TYW1: variants seen among roughly 807,000 people sequenced by gnomAD.
The protein encoded by TYW1 is tRNA-yW synthesizing protein 1 homolog, also known as S-adenosyl-L-methionine-dependent tRNA 4-demethylwyosine synthase TYW1.
Under a neutral mutation model 96.2 loss-of-function variants are expected in TYW1, and 46 were observed. The ratio of observed to expected loss-of-function variants is 0.48; its 90% confidence interval spans 0.38 to 0.61. The LOEUF is 0.61. Ranked by LOEUF, TYW1 falls within the 20% of genes least tolerant of loss-of-function variation. The pLI is 0.00. For synonymous variants in TYW1, 274 were observed against 323.0 expected (o/e 0.85, Z 1.63); for missense variants, 684 against 909.6 (o/e 0.75, Z 3.19).
At chr7:66,997,599 A>T (rs1793223050) in intron 1 of TYW1, among the ~76,000 whole-genome samples, 1 of 152,082 alleles carries the variant, frequency 6.6e-6, no homozygotes, top group African/African-American at 2.4e-5. Context: ...TTACGTTACT[A>T]CATAGTGTGT....
rs1797001528 is a variant in TYW1, at chr7:67,098,797, A to G, written c.1562+79A>G. 5 of 1,408,220 alleles carry G rather than the reference A, an allele frequency of 3.6e-6. No individual in the cohort carries two copies. The South Asian group carries it at 4.3e-5, about 12-fold the overall frequency. The allele number at this position is 1,408,220 out of a possible 1,614,324, so 87.2% of individuals were successfully genotyped here. A position where few individuals can be genotyped will look rare whatever the true frequency, so the allele number is the denominator to read the frequency against. On this transcript the variant is annotated intron_variant, in intron 12 of 15. Coordinates refer to ENST00000359626, the MANE Select transcript of TYW1 (RefSeq NM_018264.4). ...AGTAAAACTAATAGGCATTAATGCA[A>G]TCAAATAGGATTTATTGATTACTTA...
chr7:67,020,430 G>A (rs1326524502), intron 6 of TYW1, among the ~76,000 whole-genome samples: 5 of 77,272 alleles, frequency 6.5e-5, no homozygotes, highest in East Asian at 2.9e-4. Flanking sequence ...AGTAGATACC[G>A]GCTTTCACCA....
Position 67,238,119 on chromosome 7 carries a change from G to A in TYW1, c.1978-189G>A, listed in dbSNP as rs565661708. ...AGGGAAAGGAAGCTCTCCTGTGATTGTAGCGCATCTTGGTTTGATAGGAAG... is the reference window on the plus strand; with the variant it reads ...AGGGAAAGGAAGCTCTCCTGTGATTATAGCGCATCTTGGTTTGATAGGAAG... On this transcript the variant is annotated intron_variant, in intron 15 of 15. Transcript: ENST00000359626. Among the ~76,000 whole-genome samples the A allele has an allele frequency of 7.3e-5, 11 of 151,594 alleles. No individual in the cohort carries two copies. The East Asian group carries it at 2.1e-3, about 29-fold the overall frequency.
chr7:67,061,002 C>T (rs922940018), intron 9 of TYW1, among the ~76,000 whole-genome samples: 1 of 152,122 alleles, frequency 6.6e-6, no homozygotes, highest in African/African-American at 2.4e-5. Flanking sequence ...CCAAGGCTGG[C>T]AGATCACTTG....
At chr7:67,230,176 C>T (rs937838214) in intron 15 of TYW1, among the ~76,000 whole-genome samples, 5 of 151,880 alleles carry the variant, frequency 3.3e-5, no homozygotes, top group African/African-American at 1.2e-4. Context: ...GACTTTTGCT[C>T]TCATTCAAAA....
At chr7:67,158,264 T>C (rs1193033537) in intron 13 of TYW1, among the ~76,000 whole-genome samples, 2 of 151,858 alleles carry the variant, frequency 1.3e-5, no homozygotes, top group Non-Finnish European at 2.9e-5. Flanking sequence ...AATTTTTGTA[T>C]TTTTAATAGA....
intron 11 of TYW1, among the ~76,000 whole-genome samples, chr7:67,096,318 A>G (rs998224211): frequency 2.0e-5 from 3 of 152,186 alleles, no homozygotes; most frequent in African/African-American, 4.8e-5. Context: ...TGAACCGAGG[A>G]GGTGGAGCTT....
intron 13 of TYW1, among the ~76,000 whole-genome samples, chr7:67,155,622 A>G (rs7350057): frequency 0.26 from 39,302 of 151,530 alleles, 5,574 homozygotes; most frequent in African/African-American, 0.38. Context: ...GCGCGATCTC[A>G]ATATCAGCTC....
intron 13 of TYW1, among the ~76,000 whole-genome samples, chr7:67,143,417 A>T (rs1798511504): frequency 6.6e-6 from 1 of 152,260 alleles, no homozygotes; most frequent in Admixed American, 6.5e-5. Context: ...TGCATACTTT[A>T]TTCATCTGGC....
At chr7:67,165,843 T>A (rs1192090561) in intron 13 of TYW1, among the ~76,000 whole-genome samples, 1 of 152,034 alleles carries the variant, frequency 6.6e-6, no homozygotes, top group Non-Finnish European at 1.5e-5. Flanking sequence ...GGCAGGAGGA[T>A]CACTTGAGCC....
chr7:67,151,614 A>C (rs1175625843), intron 13 of TYW1, among the ~76,000 whole-genome samples: 1 of 152,156 alleles, frequency 6.6e-6, no homozygotes, highest in Non-Finnish European at 1.5e-5. Context: ...AGGATTTTGC[A>C]AACAGGAAAC....
chr7:67,065,285 C>T (rs182969815), intron 9 of TYW1, among the ~76,000 whole-genome samples: 39 of 152,294 alleles, frequency 2.6e-4, no homozygotes, highest in Admixed American at 2.2e-3. Context: ...CCTTAAATAC[C>T]TCATTAAAGA....
rs1440935538 is a variant in TYW1, at chr7:67,148,587, G to T, written c.1698+30969G>T. On this transcript the variant is annotated intron_variant, in intron 13 of 15. Coordinates refer to ENST00000359626, the MANE Select transcript of TYW1 (RefSeq NM_018264.4). Reference sequence around the variant, plus strand: ...ACTACAGGCGCCTGCCACCACGCCCGGCTAATTTTTTATATATATATTTTT... The same window carrying T: ...ACTACAGGCGCCTGCCACCACGCCCTGCTAATTTTTTATATATATATTTTT... Among the ~76,000 whole-genome samples, 5 of 151,646 alleles carry T rather than the reference G, an allele frequency of 3.3e-5. No homozygotes were observed. The East Asian group carries it at 9.7e-4, about 29-fold the overall frequency.
At chr7:67,100,921 T>TTTA (rs1316890204) in intron 12 of TYW1, among the ~76,000 whole-genome samples, 2 of 150,476 alleles carry the variant, frequency 1.3e-5, no homozygotes, top group Non-Finnish European at 3.0e-5. Context: ...AGTTAACAGG[T>TTTA]TTATTCTGAA....
intron 7 of TYW1, among the ~76,000 whole-genome samples, chr7:67,045,010 A>C (rs768304505): frequency 6.6e-6 from 1 of 152,116 alleles, no homozygotes; most frequent in Non-Finnish European, 1.5e-5. Flanking sequence ...TTCCCAGGAG[A>C]AATGTATGTT....
chr7:67,102,747 G>T (rs1366020938), intron 12 of TYW1, among the ~76,000 whole-genome samples: 2 of 152,080 alleles, frequency 1.3e-5, no homozygotes, highest in East Asian at 1.9e-4. Flanking sequence ...CGCCTCCAGG[G>T]TTCAAGTGAT....
chr7:67,128,862 T>C (rs1389208605), intron 13 of TYW1, among the ~76,000 whole-genome samples: 4 of 152,088 alleles, frequency 2.6e-5, no homozygotes, highest in African/African-American at 9.7e-5. Flanking sequence ...CTAATTTTTG[T>C]ATTTTTACTA....
chr7:67,169,007 G>A (rs562620489), intron 13 of TYW1, among the ~76,000 whole-genome samples: 29 of 152,048 alleles, frequency 1.9e-4, no homozygotes, highest in African/African-American at 6.7e-4. Flanking sequence ...CACTGTGGCC[G>A]GCCTGTTTCT....
intron 15 of TYW1, among the ~76,000 whole-genome samples, chr7:67,212,128 G>A (rs1020048862): frequency 2.0e-5 from 3 of 151,922 alleles, no homozygotes; most frequent in East Asian, 1.9e-4. Flanking sequence ...CGTCCCTCCC[G>A]CCAAACTTGG....
Sources: allele counts gnomAD v4.1 joint callset (sites outside exome capture counted in the v4.1 genomes callset), GRCh38; gene constraint gnomAD v4.1.1; transcripts MANE v1.5; gene names NCBI Gene and HGNC (gene_info 2026-07-23, HGNC 2026-07-21).